The following CC2D2B variants were observed in gnomAD, a reference collection of about 807,000 sequenced individuals.
CC2D2B encodes the protein coiled-coil and C2 domain containing 2B, also known as protein CC2D2B.
CC2D2B carries 128 observed loss-of-function variants against 161.2 expected under a neutral mutation model. The ratio of observed to expected loss-of-function variants is 0.79; its 90% CI spans 0.69 to 0.92. CC2D2B has a LOEUF of 0.92. Among genes scored for constraint, CC2D2B ranks in the 40% least tolerant of loss-of-function variants. The pLI is 0.00. For missense variants in CC2D2B, 1,173 were observed against 1,375.1 expected (o/e 0.85, Z 2.32); for synonymous variants, 391 against 449.8 (o/e 0.87, Z 1.65).
intron 24 of CC2D2B, among the ~76,000 whole-genome samples, chr10:95,999,544 T>A (rs543237550): frequency 6.6e-6 from 1 of 152,246 alleles, no homozygotes; most frequent in South Asian, 2.1e-4. Context: ...ATAAATAATA[T>A]CTGACTGTTT....
chr10:96,027,362 A>G lies in CC2D2B; in HGVS notation c.4098A>G (p.Glu1366=), dbSNP rs2079828412. 1.3e-6 allele frequency: 2 copies of G among 1,547,808 alleles called. No homozygotes were observed. Among genetic ancestry groups the G allele is most frequent in the Admixed American group, 4.0e-5 (2 of 50,142 alleles). The stretch of plus-strand genomic sequence containing the variant: ...TTGTTTCATCTGAAGGAGATAATGA[A>G]TTTGAAAGAATACTACAATTTTATT... ...GSFVSSEGDN[E]FERILQFYWV... The change falls in exon 34 of 35, where the codon GAA becomes GAG. Residue 1366 remains glutamate (E), a synonymous_variant. Coordinates refer to ENST00000646931, the MANE Select transcript of CC2D2B (RefSeq NM_001349008.3).
In CC2D2B at chr10:95,974,136, A is replaced by G; in HGVS notation, c.1923A>G (p.Ser641=). The change falls in exon 17 of 35, where the codon TCA becomes TCG. Residue 641 remains serine (S), a synonymous_variant. Coordinates refer to ENST00000646931, the MANE Select transcript of CC2D2B (RefSeq NM_001349008.3). ...NGLPLIPMPQ[S]LRSSYCSMLR... ...TTCCTCTGATACCTATGCCACAATC[A>G]TTAAGATCTTCTTACTGCAGGTAAT... The G allele has an allele frequency of 2.4e-6, 3 of 1,230,812 alleles. No individual in the cohort carries two copies. Among genetic ancestry groups the G allele is most frequent in the Non-Finnish European group, 3.0e-6 (3 of 986,776 alleles). The allele number at this position is 1,230,812 out of a possible 1,614,324, so 76.2% of individuals were successfully genotyped here.
chr10:95,913,327 C>T (rs1320932358), intron 2 of CC2D2B: 6 of 271,572 alleles, frequency 2.2e-5, no homozygotes, highest in Admixed American at 1.6e-4. Flanking sequence ...TACTCCATTG[C>T]ATATATATAT....
chr10:95,916,961 TG>T (rs141208820), intron 2 of CC2D2B, among the ~76,000 whole-genome samples: 5,174 of 152,252 alleles, frequency 0.034, 119 homozygotes, highest in Non-Finnish European at 0.05. Context: ...TCTGTCTGGA[TG>T]ATCTGTTCAG....
intron 24 of CC2D2B, among the ~76,000 whole-genome samples, chr10:96,003,567 T>G (rs965790802): frequency 6.7e-6 from 1 of 148,884 alleles, no homozygotes; most frequent in Non-Finnish European, 1.5e-5. Context: ...TACAACCGCC[T>G]GCCACCAGGC....
At chr10:95,971,439 A>G (rs1258102503) in intron 15 of CC2D2B, among the ~76,000 whole-genome samples, 1 of 151,802 alleles carries the variant, frequency 6.6e-6, no homozygotes, top group African/African-American at 2.4e-5. Flanking sequence ...CAGTAAACTT[A>G]TATGGAATTG....
intron 30 of CC2D2B, among the ~76,000 whole-genome samples, chr10:96,017,258 G>T (rs928432063): frequency 4.6e-5 from 7 of 152,142 alleles, no homozygotes; most frequent in Admixed American, 3.3e-4. Flanking sequence ...TTACAGTCTT[G>T]CCTTATGGTT....
chr10:95,972,201 G>A lies in CC2D2B; in HGVS notation c.1780G>A (p.Gly594Arg). 8.1e-7 allele frequency: 1 copy of A among 1,232,028 alleles called. No homozygotes were observed. The highest frequency in any genetic ancestry group is 1.0e-6 in the Non-Finnish European group (1 of 987,890). The allele number at this position is 1,232,028 out of a possible 1,614,324, so 76.3% of individuals were successfully genotyped here. ...SSDKLVMPAD[G>R]EVGSNVPFLL... ...TGATAAGCTGGTCATGCCTGCCGAT[G>A]GAGAAGTAGGAAGCAGTGAGTTTAT... The change falls in exon 16 of 35, where the codon GGA becomes AGA. Residue 594 changes from glycine (G) to arginine (R), a missense_variant. Gly to Arg is a moderately radical substitution (Grantham distance 125, BLOSUM62 -2). This residue lies in a region of CC2D2B where 277 missense variants were observed against 420.6 expected (regional missense o/e 0.66). Coordinates refer to ENST00000646931, the MANE Select transcript of CC2D2B (RefSeq NM_001349008.3).
chr10:95,978,044 C>T (rs886086589), intron 17 of CC2D2B, among the ~76,000 whole-genome samples: 5 of 152,010 alleles, frequency 3.3e-5, no homozygotes, highest in Non-Finnish European at 7.4e-5. Flanking sequence ...ACTACTGAAT[C>T]ATACACTTTA....
intron 17 of CC2D2B, among the ~76,000 whole-genome samples, chr10:95,978,971 G>A (rs547739911): frequency 4.6e-5 from 7 of 151,898 alleles, no homozygotes; most frequent in South Asian, 2.1e-4. Flanking sequence ...CTTTTACATC[G>A]TAAGCATACT....
chr10:95,926,704 CAA>C (rs1401597105), intron 5 of CC2D2B, among the ~76,000 whole-genome samples: 1 of 151,886 alleles, frequency 6.6e-6, no homozygotes, highest in Non-Finnish European at 1.5e-5. Context: ...AAGAGTCAGA[CAA>C]GAGTGAAAAA....
At position 96,004,181 on chromosome 10, in the gene CC2D2B, G is replaced by A; in HGVS notation, c.2879G>A (p.Ser960Asn). The change falls in exon 25 of 35, where the codon AGC becomes AAC. Residue 960 changes from serine to asparagine, a missense_variant. Ser to Asn is a conservative substitution (Grantham distance 46, BLOSUM62 1). This residue lies in a region of CC2D2B where 598 missense variants were observed against 693.2 expected (regional missense o/e 0.86). Coordinates refer to ENST00000646931, the MANE Select transcript of CC2D2B (RefSeq NM_001349008.3). ...VSPGHDYSFS[S>N]LSKIKDNIYI... is the part of the protein sequence containing the mutation. Reference sequence around the variant, plus strand: ...CCAGGACATGATTATAGCTTCTCAAGCTTATCTAAAATAAAAGATAACATA... The same window carrying A: ...CCAGGACATGATTATAGCTTCTCAAACTTATCTAAAATAAAAGATAACATA... The A allele has an allele frequency of 1.3e-6, 2 of 1,552,430 alleles. No individual in the cohort carries two copies. The highest frequency in any genetic ancestry group is 1.7e-6 in the Non-Finnish European group (2 of 1,151,104).
rs979643632 is a variant in CC2D2B, at chr10:96,033,182, A to G, written c.*1174A>G. ...TGAGGTTTCTTGGTTCACTCCCACA[A>G]GCAGAGAGCAGAGACCCCAAATGTA... On this transcript the variant is annotated 3_prime_UTR_variant, in exon 35 of 35. Transcript: ENST00000646931. 2.0e-5 allele frequency among the ~76,000 whole-genome samples: 3 copies of G among 152,182 alleles called. No homozygotes were observed. Among genetic ancestry groups the G allele is most frequent in the African/African-American group, 7.2e-5 (3 of 41,448 alleles).
At chr10:96,025,170 T>TAAAAAAAAAAAAAA (rs1564683762) in intron 33 of CC2D2B, among the ~76,000 whole-genome samples, 2 of 19,314 alleles carry the variant, frequency 1.0e-4, no homozygotes, top group Non-Finnish European at 9.4e-5. Flanking sequence ...TATATATATA[T>TAAAAAAAAAAAAAA]ATATATATAT....
At chr10:95,919,519 C>T (rs563829437) in intron 2 of CC2D2B, 1 of 152,316 alleles carries the variant, frequency 6.6e-6, no homozygotes, top group South Asian at 2.1e-4. Flanking sequence ...TGCTGAGCTG[C>T]CTGGAGTTGG....
chr10:95,979,834 A>G (rs1442677437), intron 17 of CC2D2B, among the ~76,000 whole-genome samples: 2 of 152,202 alleles, frequency 1.3e-5, no homozygotes, highest in Non-Finnish European at 2.9e-5. Context: ...GATGGTGGTG[A>G]TGGTTGCACA....
rs1335290997 is a variant in CC2D2B, at chr10:96,029,272, ATATATATATATATG to A, written c.4125+1897_4125+1910del. Among the ~76,000 whole-genome samples the A allele has an allele frequency of 9.8e-3, 621 of 63,486 alleles. 1 individual carries two copies. Among genetic ancestry groups the A allele is most frequent in the African/African-American group, 0.013 (198 of 15,210 alleles). The allele number at this position is 63,486 out of a possible 152,430, so 41.6% of individuals were successfully genotyped here. A position where few individuals can be genotyped will look rare whatever the true frequency, so the allele number is the denominator to read the frequency against. ...TATATATATATATATATATATATAT[ATATATATATATATG>A]TATATATATATATATATATGTATAT... On this transcript the variant is annotated intron_variant, in intron 34 of 34. Transcript: ENST00000646931.
chr10:96,015,810 G>A (rs10786259), intron 29 of CC2D2B, among the ~76,000 whole-genome samples: 100,368 of 152,006 alleles, frequency 0.66, 33,376 homozygotes, highest in East Asian at 0.86. Flanking sequence ...CAGCCCAAAG[G>A]ATCACTTCCT....
At chr10:95,941,063 A>G (rs1590468488) in intron 9 of CC2D2B, among the ~76,000 whole-genome samples, 2 of 152,084 alleles carry the variant, frequency 1.3e-5, no homozygotes, top group East Asian at 3.9e-4. Flanking sequence ...AATGATCTTC[A>G]AGAGGGTGCC....
Sources: gnomAD v4.1 joint callset for allele counts (sites outside exome capture counted in the v4.1 genomes callset) on GRCh38, gnomAD v4.1.1 for gene constraint, gnomAD v4.1.1 regional missense constraint, MANE v1.5 for transcripts, NCBI Gene and HGNC (gene_info 2026-07-23, HGNC 2026-07-21) for gene names.